The following CSMD3 variants were observed in gnomAD, a reference collection of about 807,000 sequenced individuals.
The protein encoded by CSMD3 is CUB and Sushi multiple domains 3.
CSMD3 carries 177 observed loss-of-function variants against 435.2 expected under a neutral mutation model. The observed-to-expected ratio is 0.41, with a 90% CI of 0.36 to 0.46. CSMD3 has a LOEUF of 0.46. Ranked by LOEUF, CSMD3 falls within the 20% of genes least tolerant of loss-of-function variation. CSMD3 has a pLI of 0.34. For missense variants in CSMD3, 4,265 were observed against 4,504.6 expected, an observed-to-expected ratio of 0.95 and a Z score of 1.52; for synonymous variants, 1,656 against 1,520.5, an observed-to-expected ratio of 1.09 and a Z score of -2.07.
chr8:112,847,852 C>A (rs531481717), intron 11 of CSMD3, among the ~76,000 whole-genome samples: 1 of 152,162 alleles, frequency 6.6e-6, no homozygotes, highest in South Asian at 2.1e-4. Flanking sequence ...TGCCTGAAGA[C>A]TTTATGGGGA....
chr8:112,902,487 A>C (rs10086022), intron 10 of CSMD3, among the ~76,000 whole-genome samples: 8,157 of 151,374 alleles, frequency 0.054, 728 homozygotes, highest in African/African-American at 0.18. Context: ...CTACTCTGCT[A>C]TCTGGTGCAG....
chr8:112,970,784 C>T (rs1009260034), intron 7 of CSMD3, among the ~76,000 whole-genome samples: 4 of 150,396 alleles, frequency 2.7e-5, no homozygotes, highest in African/African-American at 4.9e-5. Flanking sequence ...TGCAGTGGTG[C>T]GATCTCGGCT....
chr8:112,703,863 A>T (rs1398834134), intron 13 of CSMD3, among the ~76,000 whole-genome samples: 1 of 152,148 alleles, frequency 6.6e-6, no homozygotes, highest in Non-Finnish European at 1.5e-5. Context: ...GAGGAAATCT[A>T]TAACTGCCCA....
chr8:113,035,396 C>CTATA, intron 5 of CSMD3, among the ~76,000 whole-genome samples: 1 of 151,834 alleles, frequency 6.6e-6, no homozygotes, highest in African/African-American at 2.4e-5. Flanking sequence ...ATACTGTATA[C>CTATA]TGTATGGATG....
chr8:112,888,994 T>C (rs2081697160), intron 10 of CSMD3, among the ~76,000 whole-genome samples: 2 of 151,690 alleles, frequency 1.3e-5, no homozygotes, highest in Admixed American at 6.6e-5. Flanking sequence ...TTAACAAACA[T>C]TGATTCCACT....
intron 3 of CSMD3, among the ~76,000 whole-genome samples, chr8:113,190,720 T>C (rs1053363575): frequency 2.6e-5 from 4 of 151,636 alleles, no homozygotes; most frequent in Non-Finnish European, 5.9e-5. Flanking sequence ...TTTGATCCCC[T>C]GCGACTTACT....
At chr8:112,618,206 T>G (rs1328164968) in intron 22 of CSMD3, among the ~76,000 whole-genome samples, 2 of 152,118 alleles carry the variant, frequency 1.3e-5, no homozygotes, top group Non-Finnish European at 2.9e-5. Context: ...AAAGAATGGT[T>G]TTTGAGAGTA....
At chr8:112,546,631 C>T (rs1163309848) in intron 27 of CSMD3, among the ~76,000 whole-genome samples, 1 of 152,050 alleles carries the variant, frequency 6.6e-6, no homozygotes, top group Admixed American at 6.6e-5. Flanking sequence ...AGCATGATAC[C>T]CAATGATATC....
chr8:112,947,743 T>C (rs2083663547), intron 9 of CSMD3, 47 bp downstream of exon 9: 1 of 833,294 alleles, frequency 1.2e-6, no homozygotes, highest in Admixed American at 1.7e-5. Context: ...TAAATTAAAA[T>C]AAACCTTGAC....
At chr8:112,815,432 A>G (rs895213382) in intron 12 of CSMD3, among the ~76,000 whole-genome samples, 1 of 152,200 alleles carries the variant, frequency 6.6e-6, no homozygotes, top group African/African-American at 2.4e-5. Context: ...CCAAATCTTT[A>G]GCATACACAT....
At chr8:113,361,227 CTTAGCACTGATG>C (rs1271993608) in intron 1 of CSMD3, among the ~76,000 whole-genome samples, 1 of 152,096 alleles carries the variant, frequency 6.6e-6, no homozygotes, top group Admixed American at 6.5e-5. Context: ...TGACTAAAAA[CTTAGCACTGATG>C]TTACACTTTT....
At position 112,255,365 on chromosome 8, in the gene CSMD3, A is replaced by G. The variant is rs1815680509; in HGVS notation, c.9925T>C (p.Tyr3309His). The change falls in exon 62 of 71, where the codon TAC becomes CAC. Residue 3309 changes from tyrosine (Y) to histidine (H), a missense_variant. Tyr to His is a moderately conservative substitution (Grantham distance 83). This residue lies in a region of CSMD3 where 3,255 missense variants were observed against 3,380.2 expected (regional missense o/e 0.96). Transcript: ENST00000297405. ...QGKREGKSFI[Y>H]QSEVSFSCNF... ...CAGCTGAATGAAACCTCTGACTGGT[A>G]TATAAAGCTTTTGCCTTCTCTTTTT... The G allele has an allele frequency of 6.2e-7, 1 of 1,613,782 alleles. No individual in the cohort carries two copies.
intron 12 of CSMD3, among the ~76,000 whole-genome samples, chr8:112,818,904 A>C (rs2079452368): frequency 6.6e-6 from 1 of 152,188 alleles, no homozygotes; most frequent in African/African-American, 2.4e-5. Flanking sequence ...AAAATTAATG[A>C]GCTTGTATTT....
intron 11 of CSMD3, among the ~76,000 whole-genome samples, chr8:112,838,939 T>C (rs2080103860): frequency 6.6e-6 from 1 of 151,810 alleles, no homozygotes; most frequent in Admixed American, 6.6e-5. Flanking sequence ...CAGAATTCCT[T>C]ATTTATTCAT....
chr8:112,546,842 T>C (rs1827227052), intron 27 of CSMD3, among the ~76,000 whole-genome samples: 1 of 152,150 alleles, frequency 6.6e-6, no homozygotes, highest in African/African-American at 2.4e-5. Context: ...AAAGGATGAA[T>C]GGATCATGAA....
chr8:113,319,919 CTT>C (rs1330500093), intron 1 of CSMD3, among the ~76,000 whole-genome samples: 1 of 151,926 alleles, frequency 6.6e-6, no homozygotes, highest in South Asian at 2.1e-4. Flanking sequence ...TCCTTTTTCT[CTT>C]GTCTCCTCTG....
chr8:112,994,598 G>A (rs758918196), intron 6 of CSMD3, among the ~76,000 whole-genome samples: 3 of 151,528 alleles, frequency 2.0e-5, no homozygotes, highest in Non-Finnish European at 3.0e-5. Context: ...TTACAGATTA[G>A]ATATAATTAC....
intron 1 of CSMD3, among the ~76,000 whole-genome samples, chr8:113,417,346 T>C (rs2094586404): frequency 6.6e-6 from 1 of 151,942 alleles, no homozygotes; most frequent in African/African-American, 2.4e-5. Flanking sequence ...TTTAAATATA[T>C]GCTCCAACTC....
intron 35 of CSMD3, among the ~76,000 whole-genome samples, chr8:112,403,632 T>G (rs1308655638): frequency 1.3e-5 from 2 of 152,072 alleles, no homozygotes; most frequent in African/African-American, 4.8e-5. Flanking sequence ...TTCCTCAGAC[T>G]TCTTTTATAA....
Sources: gnomAD v4.1 joint callset for allele counts (sites outside exome capture counted in the v4.1 genomes callset) on GRCh38, gnomAD v4.1.1 for gene constraint, gnomAD v4.1.1 regional missense constraint, MANE v1.5 for transcripts, NCBI Gene and HGNC (gene_info 2026-07-23, HGNC 2026-07-21) for gene names.